The following ARMC8 variants were observed in gnomAD, a reference collection of about 807,000 sequenced individuals.
The protein encoded by ARMC8 is armadillo repeat-containing protein 8.
Under a neutral mutation model 99.3 loss-of-function variants are expected in ARMC8, and 20 were observed. That is an observed-to-expected ratio of 0.20 (90% CI 0.14 to 0.29). The LOEUF is 0.29. Ranked by LOEUF, ARMC8 falls within the 10% of genes least tolerant of loss-of-function variation. ARMC8 has a pLI of 1.00. For synonymous variants in ARMC8, 263 were observed against 278.3 expected, an observed-to-expected ratio of 0.95 and a Z score of 0.55; for missense variants, 569 against 809.5, an observed-to-expected ratio of 0.70 and a Z score of 3.60.
intron 12 of ARMC8, among the ~76,000 whole-genome samples, chr3:138,256,381 G>A (rs1413885191): frequency 7.2e-6 from 1 of 138,972 alleles, no homozygotes; most frequent in African/African-American, 2.6e-5. Context: ...GTCCTGTAAA[G>A]TATATCTTTT....
At chr3:138,216,286 G>A (rs1414227264) in intron 2 of ARMC8, among the ~76,000 whole-genome samples, 2 of 152,058 alleles carry the variant, frequency 1.3e-5, no homozygotes, top group East Asian at 3.8e-4. Flanking sequence ...GTTTATACAT[G>A]TAGTTGATAT....
At chr3:138,294,620 G>A (rs184729593) in intron 21 of ARMC8, among the ~76,000 whole-genome samples, 1 of 152,274 alleles carries the variant, frequency 6.6e-6, no homozygotes, top group African/African-American at 2.4e-5. Context: ...CCAGCTTATT[G>A]TATGCATAGT....
At chr3:138,215,224 CT>C (rs1041653338) in intron 2 of ARMC8, among the ~76,000 whole-genome samples, 12 of 147,808 alleles carry the variant, frequency 8.1e-5, no homozygotes, top group Non-Finnish European at 7.5e-5. Flanking sequence ...CTTTTCTTTT[CT>C]TTTTTTTTTG....
rs986059701 is a variant in ARMC8 at position 138,284,476 on chromosome 3, G to C, written c.1771G>C (p.Asp591His). The C allele has an allele frequency of 1.8e-5, 29 of 1,613,696 alleles. No individual in the cohort carries two copies. The highest frequency in any genetic ancestry group is 2.5e-5 in the Non-Finnish European group (29 of 1,179,754). ...CATAGCGGATGGGACAACAGCAAAA[G>C]ATCTTATTATGACCAATGATGATAT... is the stretch of plus-strand genomic sequence containing the variant. Reference protein sequence around the residue: ...ANIADGTTAKDLIMTNDDILQ... With the variant: ...ANIADGTTAKHLIMTNDDILQ... The change falls in exon 19 of 22, where the codon GAT (aspartate) becomes CAT (histidine). Residue 591 changes from aspartate (D) to histidine (H), a missense_variant. Transcript: ENST00000469044.
chr3:138,246,673 A>G, intron 12 of ARMC8: 25 of 985,462 alleles, frequency 2.5e-5, no homozygotes, highest in Non-Finnish European at 3.0e-5. Flanking sequence ...TAGGATGTCC[A>G]TTTGTACTTC....
intron 14 of ARMC8, among the ~76,000 whole-genome samples, chr3:138,264,710 G>A (rs1428025115): frequency 6.6e-6 from 1 of 151,762 alleles, no homozygotes; most frequent in East Asian, 1.9e-4. Context: ...GAGCCACTGC[G>A]CCCAGCCAGG....
intron 12 of ARMC8, chr3:138,261,675 A>T (rs2047757314): frequency 6.6e-6 from 1 of 152,232 alleles, no homozygotes; most frequent in Non-Finnish European, 1.5e-5. Flanking sequence ...TAAAGTTTGG[A>T]CACTTAAACG....
At position 138,264,217 on chromosome 3, in the gene ARMC8, G is replaced by A; in HGVS notation, c.1299+5G>A. ...GTTTGGAAACCTTTAATGAAGGTAAGAAGAAAGGGTCAGCCAGTAACAGCT... is the reference window on the plus strand; with the variant it reads ...GTTTGGAAACCTTTAATGAAGGTAAAAAGAAAGGGTCAGCCAGTAACAGCT... On this transcript the variant is annotated splice_donor_5th_base_variant and intron_variant, in intron 14 of 21. Coordinates refer to ENST00000469044, the MANE Select transcript of ARMC8 (RefSeq NM_001363941.2). 6.2e-7 allele frequency: 1 copy of A among 1,613,050 alleles called. No individual in the cohort carries two copies. Among genetic ancestry groups the A allele is most frequent in the Non-Finnish European group, 8.5e-7 (1 of 1,179,094 alleles).
chr3:138,187,551 C>G lies in ARMC8; in HGVS notation c.-4C>G. On this transcript the variant is annotated 5_prime_UTR_variant, in exon 1 of 22. Transcript: ENST00000469044. ...CCTGCAGCAGCCGGGTGGGAAGGCT[C>G]AAGATGGCGTGCTTGTTGGAGACCC... 1 of 1,535,866 alleles carries G rather than the reference C, an allele frequency of 6.5e-7. No homozygotes were observed. Among genetic ancestry groups the G allele is most frequent in the East Asian group, 2.4e-5 (1 of 40,890 alleles).
At chr3:138,225,395 G>A (rs2045639592) in intron 5 of ARMC8, among the ~76,000 whole-genome samples, 1 of 152,128 alleles carries the variant, frequency 6.6e-6, no homozygotes, top group Non-Finnish European at 1.5e-5. Flanking sequence ...AGGCGTGTGA[G>A]CCACTGCGCC....
chr3:138,225,263 A>G (rs1043972987), intron 5 of ARMC8, among the ~76,000 whole-genome samples: 1 of 152,068 alleles, frequency 6.6e-6, no homozygotes, highest in African/African-American at 2.4e-5. Flanking sequence ...GGCATGTGCC[A>G]CCACGCCCAG....
At chr3:138,275,280 G>A (rs1187599979) in intron 18 of ARMC8, among the ~76,000 whole-genome samples, 2 of 152,080 alleles carry the variant, frequency 1.3e-5, no homozygotes, top group Admixed American at 6.5e-5. Context: ...TAAGCTGGAC[G>A]GGTACAGTGG....
rs561277536 is a variant in ARMC8, at chr3:138,205,216, G to A, written c.46-4601G>A. ...TCCGAGTAGCCAGGACTAAAGGTGC[G>A]CGCCACCATGCCCGGCTAGAGACAG... On this transcript the variant is annotated intron_variant, in intron 1 of 21. Coordinates refer to ENST00000469044, the MANE Select transcript of ARMC8 (RefSeq NM_001363941.2). 7.9e-5 allele frequency among the ~76,000 whole-genome samples: 12 copies of A among 151,508 alleles called. No homozygotes were observed. The South Asian group carries it at 2.3e-3, about 29-fold the overall frequency.
chr3:138,282,698 G>A (rs1311143787), intron 18 of ARMC8, among the ~76,000 whole-genome samples: 1 of 151,622 alleles, frequency 6.6e-6, no homozygotes, highest in Non-Finnish European at 1.5e-5. Flanking sequence ...GTAGGCTCAG[G>A]TGGGGCTAGA....
intron 21 of ARMC8, among the ~76,000 whole-genome samples, chr3:138,292,625 C>T (rs2051073453): frequency 6.6e-6 from 1 of 152,004 alleles, no homozygotes; most frequent in Non-Finnish European, 1.5e-5. Context: ...TGCCATATAC[C>T]AAGATGGTGA....
chr3:138,204,799 C>A (rs560731279), intron 1 of ARMC8, among the ~76,000 whole-genome samples: 1 of 152,160 alleles, frequency 6.6e-6, no homozygotes, highest in African/African-American at 2.4e-5. Context: ...TCCAGTCTTG[C>A]GGTATCCAGG....
At chr3:138,221,109 G>A (rs1289303236) in intron 2 of ARMC8, among the ~76,000 whole-genome samples, 2 of 152,090 alleles carry the variant, frequency 1.3e-5, no homozygotes, top group African/African-American at 4.8e-5. Flanking sequence ...CAGTGGTAGA[G>A]GTTCTCTTAT....
intron 5 of ARMC8, among the ~76,000 whole-genome samples, chr3:138,225,881 C>A (rs781629123): frequency 2.6e-5 from 4 of 152,144 alleles, no homozygotes; most frequent in African/African-American, 4.8e-5. Flanking sequence ...TCTGTCCTTC[C>A]TACATCAGAC....
chr3:138,279,068 A>T (rs2049606146), intron 18 of ARMC8, among the ~76,000 whole-genome samples: 1 of 152,320 alleles, frequency 6.6e-6, no homozygotes. Context: ...TAATGAGATG[A>T]GGATGAACAT....
Sources: gnomAD v4.1 joint callset for allele counts (sites outside exome capture counted in the v4.1 genomes callset) on GRCh38, gnomAD v4.1.1 for gene constraint, MANE v1.5 for transcripts, NCBI Gene and HGNC (gene_info 2026-07-23, HGNC 2026-07-21) for gene names.